USP7: variants seen among roughly 807,000 people sequenced by gnomAD.
USP7 encodes the protein ubiquitin C-terminal hydrolase 7.
A neutral mutation model predicts 162.9 loss-of-function variants in USP7; 9 were observed. The ratio of observed to expected loss-of-function variants is 0.06; its 90% CI spans 0.03 to 0.10. The LOEUF (loss-of-function observed/expected upper bound fraction) is 0.10, where lower values mean the gene tolerates loss of function less well. Among genes scored for constraint, USP7 ranks in the 10% least tolerant of loss-of-function variants. USP7 has a pLI of 1.00. For missense variants in USP7, 715 were observed against 1,373.7 expected, an observed-to-expected ratio of 0.52 and a Z score of 7.58; for synonymous variants, 562 against 475.9, an observed-to-expected ratio of 1.18 and a Z score of -2.35.
intron 3 of USP7, among the ~76,000 whole-genome samples, chr16:8,922,306 T>C (rs979127909): frequency 2.0e-5 from 3 of 152,138 alleles, no homozygotes; most frequent in African/African-American, 7.2e-5. Context: ...CTGGCCAACA[T>C]GGTGAAACCC....
At chr16:8,919,590 A>T (rs934141065) in intron 5 of USP7, among the ~76,000 whole-genome samples, 1 of 152,128 alleles carries the variant, frequency 6.6e-6, no homozygotes. Context: ...TCAGACTTCT[A>T]AACTCCCAGA....
At chr16:8,915,578 T>A in intron 8 of USP7, 53 bp from the exon 9 acceptor site, 1 of 1,442,668 alleles carries the variant, frequency 6.9e-7, no homozygotes. Context: ...TAGTAATATA[T>A]ACAGTAATTT....
chr16:8,901,638 T>C (rs2061776027), intron 18 of USP7, among the ~76,000 whole-genome samples: 1 of 152,104 alleles, frequency 6.6e-6, no homozygotes, highest in African/African-American at 2.4e-5. Flanking sequence ...ATAGCAAGGG[T>C]CAGCAAATTC....
intron 17 of USP7, 21 bp downstream of exon 17, chr16:8,902,360 T>C (rs1035042887): frequency 1.9e-6 from 3 of 1,612,132 alleles, no homozygotes; most frequent in Admixed American, 1.7e-5. Context: ...CCAAACCAGA[T>C]ACGCTATTAA....
intron 21 of USP7, chr16:8,900,178 G>C (rs1404266800): frequency 3.0e-6 from 1 of 328,126 alleles, no homozygotes; most frequent in African/African-American, 2.2e-5. Context: ...CCAAAGACTG[G>C]CTGGTTTACA....
At position 8,895,831 on chromosome 16, in the gene USP7, C is replaced by G. The variant is rs574492077; in HGVS notation, c.2820-90G>C. 5.2e-4 allele frequency: 468 copies of G among 903,844 alleles called. 6 individuals carry two copies. The South Asian group carries it at 5.9e-3, about 11-fold the overall frequency. 56.0% of individuals were successfully genotyped at this position (903,844 alleles called of 1,614,324 possible). On this transcript the variant is annotated intron_variant, in intron 26 of 30. Coordinates refer to ENST00000344836, the MANE Select transcript of USP7 (RefSeq NM_003470.3). ...GTTTTCTAGAAAGAAATAAAGTTAC[C>G]ACGATATGTTTTTTTTTTTTTTTTT...
chr16:8,921,539 T>A (rs926693783), intron 3 of USP7, among the ~76,000 whole-genome samples: 1 of 152,232 alleles, frequency 6.6e-6, no homozygotes, highest in Non-Finnish European at 1.5e-5. Context: ...TCCTTAGAAG[T>A]TGAAACAAAT....
chr16:8,909,072 G>C (rs1393800513), intron 11 of USP7, among the ~76,000 whole-genome samples: 2 of 152,166 alleles, frequency 1.3e-5, no homozygotes, highest in Non-Finnish European at 2.9e-5. Flanking sequence ...GCTGACTGCC[G>C]GACTCTGTGG....
chr16:8,903,219 G>C, intron 16 of USP7, 49 bp downstream of exon 16: 1 of 1,585,898 alleles, frequency 6.3e-7, no homozygotes, highest in Non-Finnish European at 8.6e-7. Context: ...CGGAAGGAAG[G>C]TGGACGTTGG....
rs1900117432 is a variant in USP7 at position 8,963,743 on chromosome 16, C to CCG, written c.-459_-458insCG. Among the ~76,000 whole-genome samples the CCG allele has an allele frequency of 1.4e-5, 2 of 143,416 alleles. No homozygotes were observed. Among genetic ancestry groups the CCG allele is most frequent in the African/African-American group, 2.5e-5 (1 of 40,008 alleles). The allele number at this position is 143,416 out of a possible 152,430, so 94.1% of individuals were successfully genotyped here. A position where few individuals can be genotyped will look rare whatever the true frequency, so the allele number is the denominator to read the frequency against. On this transcript the variant is annotated 5_prime_UTR_variant, in exon 1 of 31. Coordinates refer to ENST00000344836, the MANE Select transcript of USP7 (RefSeq NM_003470.3). Reference sequence around the variant, plus strand: ...GGCCGGCCGCGGCGGGCCTGCGGGCCCTGGGGCCGGCGGGAGCGGCGGAGC... The same window carrying CCG: ...GGCCGGCCGCGGCGGGCCTGCGGGCCCGCTGGGGCCGGCGGGAGCGGCGGAGC...
intron 16 of USP7, among the ~76,000 whole-genome samples, 183 bp from the exon 17 acceptor site, chr16:8,902,665 G>A (rs935467095): frequency 2.0e-5 from 3 of 152,096 alleles, no homozygotes; most frequent in Non-Finnish European, 4.4e-5. Flanking sequence ...CGAGGCAGGT[G>A]GATCACGAGG....
At chr16:8,896,484 C>T (rs895180369) in intron 26 of USP7, among the ~76,000 whole-genome samples, 3 of 152,128 alleles carry the variant, frequency 2.0e-5, no homozygotes, top group African/African-American at 7.2e-5. Flanking sequence ...GACTACAGGG[C>T]AAAGTAGTGA....
Position 8,933,997 on chromosome 16 carries a change from T to C in USP7, c.80-3600A>G, listed in dbSNP as rs1008478756. 1.7e-4 allele frequency among the ~76,000 whole-genome samples: 26 copies of C among 152,210 alleles called. 1 individual carries two copies. The highest frequency in any genetic ancestry group is 6.0e-4 in the African/African-American group (25 of 41,532). ...GTCTCAAACTCATGACCTCAAGTGATCTGCCAGTCTTGGCCTCCCAAAAGT... is the reference window on the plus strand; with the variant it reads ...GTCTCAAACTCATGACCTCAAGTGACCTGCCAGTCTTGGCCTCCCAAAAGT... On this transcript the variant is annotated intron_variant, in intron 1 of 30. Transcript: ENST00000344836.
intron 1 of USP7, among the ~76,000 whole-genome samples, chr16:8,947,414 T>G (rs1375125298): frequency 1.3e-5 from 2 of 152,018 alleles, no homozygotes; most frequent in Admixed American, 1.3e-4. Flanking sequence ...AGTGGTGCCA[T>G]CTCGGCTCAC....
intron 10 of USP7, among the ~76,000 whole-genome samples, chr16:8,911,302 A>G (rs948811258): frequency 1.3e-5 from 2 of 152,204 alleles, no homozygotes; most frequent in Non-Finnish European, 2.9e-5. Flanking sequence ...TTCCAGGTGG[A>G]TTGTAGATAA....
At chr16:8,929,665 A>T (rs1389463600) in intron 2 of USP7, 1 of 437,842 alleles carries the variant, frequency 2.3e-6, no homozygotes, top group Non-Finnish European at 4.6e-6. Flanking sequence ...CCTACTCACA[A>T]GTGTGACTGT....
intron 30 of USP7, 50 bp from the exon 31 acceptor site, chr16:8,894,154 C>T: frequency 6.4e-7 from 1 of 1,554,106 alleles, no homozygotes; most frequent in Non-Finnish European, 8.9e-7. Flanking sequence ...GCCCTGGAAC[C>T]CCTCAGCGGG....
chr16:8,900,662 C>A (rs754149915), intron 20 of USP7, 32 bp from the exon 21 acceptor site: 1 of 1,514,966 alleles, frequency 6.6e-7, no homozygotes, highest in Admixed American at 1.8e-5. Flanking sequence ...TGTTACACTG[C>A]AAGTTTGTCT....
At chr16:8,940,747 C>A (rs1241087137) in intron 1 of USP7, among the ~76,000 whole-genome samples, 1 of 152,134 alleles carries the variant, frequency 6.6e-6, no homozygotes, top group African/African-American at 2.4e-5. Flanking sequence ...CTCTGCGAGG[C>A]CTCTCCTAGG....
Sources: allele counts gnomAD v4.1 joint callset (sites outside exome capture counted in the v4.1 genomes callset), GRCh38; gene constraint gnomAD v4.1.1; transcripts MANE v1.5; gene names NCBI Gene and HGNC (gene_info 2026-07-23, HGNC 2026-07-21).